MGAM2: variants seen among roughly 807,000 people sequenced by gnomAD.
MGAM2 encodes the protein maltase-glucoamylase 2 (putative).
A neutral mutation model predicts 96.1 loss-of-function variants in MGAM2; 98 were observed. That is an observed-to-expected ratio of 1.02 (90% CI 0.87 to 1.21). The LOEUF (loss-of-function observed/expected upper bound fraction) is 1.21, where lower values mean the gene tolerates loss of function less well. Among genes scored for constraint, MGAM2 ranks in the 50% most tolerant of loss-of-function variants. The pLI is 0.00. For missense variants in MGAM2, 2,055 were observed against 1,182.4 expected (o/e 1.74, Z -10.82); for synonymous variants, 749 against 414.8 (o/e 1.81, Z -9.79).
At chr7:142,201,345 C>G (rs905255694) in intron 45 of MGAM2, among the ~76,000 whole-genome samples, 8 of 152,052 alleles carry the variant, frequency 5.3e-5, no homozygotes, top group African/African-American at 1.9e-4. Flanking sequence ...GCTGAGATTA[C>G]AGGTATGAGC....
intron 45 of MGAM2, among the ~76,000 whole-genome samples, chr7:142,203,446 C>G (rs927039709): frequency 2.0e-5 from 3 of 152,092 alleles, no homozygotes; most frequent in Non-Finnish European, 4.4e-5. Flanking sequence ...AGATTCGACA[C>G]TATTCTTATC....
At chr7:142,116,053 G>A (rs1259635573) in intron 1 of MGAM2, among the ~76,000 whole-genome samples, 2 of 152,120 alleles carry the variant, frequency 1.3e-5, no homozygotes, top group Non-Finnish European at 2.9e-5. Context: ...CTGTAGACAT[G>A]TAATAATGTT....
Position 142,166,105 on chromosome 7 carries a change from C to G in MGAM2, c.2660C>G (p.Thr887Ser), listed in dbSNP as rs1027057933. The G allele has an allele frequency of 7.2e-6, 5 of 695,210 alleles. No individual in the cohort carries two copies. The highest frequency in any genetic ancestry group is 1.3e-5 in the Non-Finnish European group (5 of 381,664). 43.1% of individuals were successfully genotyped at this position (695,210 alleles called of 1,614,324 possible). A position where few individuals can be genotyped will look rare whatever the true frequency, so the allele number is the denominator to read the frequency against. ...VVYNASTKVV[T>S]ITDLQGLVLG... ...GACTGTCTCTTTCCCCAGGTGGTAA[C>G]CATCACTGATCTCCAAGGACTGGTA... Residue 887 changes from threonine to serine, a missense_variant, in exon 25 of 48, where the codon ACC becomes AGC. By Grantham distance (58) the Thr-to-Ser change is moderately conservative. Coordinates refer to ENST00000477922, the MANE Select transcript of MGAM2 (RefSeq NM_001293626.2).
intron 9 of MGAM2, among the ~76,000 whole-genome samples, chr7:142,138,266 C>A (rs758495792): frequency 6.6e-6 from 1 of 151,686 alleles, no homozygotes; most frequent in Non-Finnish European, 1.5e-5. Flanking sequence ...ACACTGTGAA[C>A]AAATATTCAG....
intron 2 of MGAM2, among the ~76,000 whole-genome samples, chr7:142,118,296 T>C (rs1357873577): frequency 1.3e-5 from 2 of 152,206 alleles, no homozygotes; most frequent in African/African-American, 2.4e-5. Context: ...TAATTCACTT[T>C]GCATAATGTC....
At chr7:142,200,804 A>G (rs1797198672) in intron 45 of MGAM2, among the ~76,000 whole-genome samples, 1 of 152,176 alleles carries the variant, frequency 6.6e-6, no homozygotes, top group African/African-American at 2.4e-5. Context: ...ACAGAAAATT[A>G]GAAAAAAATA....
chr7:142,155,363 G>A (rs750357200), intron 17 of MGAM2, among the ~76,000 whole-genome samples: 2 of 152,112 alleles, frequency 1.3e-5, no homozygotes, highest in Non-Finnish European at 2.9e-5. Context: ...TAGTATTTTC[G>A]ATGGGCAAGT....
chr7:142,177,696 T>C (rs1013532748), intron 32 of MGAM2, among the ~76,000 whole-genome samples: 3 of 152,226 alleles, frequency 2.0e-5, no homozygotes, highest in Non-Finnish European at 4.4e-5. Context: ...GCAAAGAGCA[T>C]AATTTCATTC....
chr7:142,220,052 T>C lies in MGAM2; in HGVS notation c.5541T>C (p.Ser1847=). Residue 1847 remains serine (S), a synonymous_variant, in exon 48 of 48, where the codon AGT becomes AGC. Transcript: ENST00000477922. ...CTGAGACAATCACCAGTTCTGCCAG[T>C]GCAAATACTACCACTGGCACTACTG... ...TSSETITSSA[S]ANTTTGTTDT... 2.8e-6 allele frequency: 2 copies of C among 702,920 alleles called. No individual in the cohort carries two copies. Among genetic ancestry groups the C allele is most frequent in the Non-Finnish European group, 5.2e-6 (2 of 384,932 alleles). 43.5% of individuals were successfully genotyped at this position (702,920 alleles called of 1,614,324 possible).
rs763118729 is a variant in MGAM2, at chr7:142,198,114, A to G, written c.4867-25A>G. ...AAAAATATTTTTTGAAATATTCATA[A>G]TGACATGTCAATTTTATGTTTCAGA... On this transcript the variant is annotated intron_variant, in intron 42 of 47. Transcript: ENST00000477922. The G allele has an allele frequency of 4.3e-6, 3 of 700,110 alleles. No individual in the cohort carries two copies. In the South Asian group the frequency reaches 4.5e-5, roughly 11 times the overall value. The allele number at this position is 700,110 out of a possible 1,614,324, so 43.4% of individuals were successfully genotyped here.
chr7:142,185,208 T>G, intron 34 of MGAM2, 69 bp downstream of exon 34: 1 of 685,780 alleles, frequency 1.5e-6, no homozygotes, highest in Non-Finnish European at 2.7e-6. Context: ...TTTATCCTGA[T>G]GAATAAGTAG....
At chr7:142,198,356 C>T (rs114190016) in intron 43 of MGAM2, among the ~76,000 whole-genome samples, 161 bp downstream of exon 43, 1,660 of 152,212 alleles carry the variant, frequency 0.011, 30 homozygotes, top group African/African-American at 0.037. Flanking sequence ...AGAGCATAGA[C>T]GAAATCTAAG....
At chr7:142,119,063 C>G (rs1013612100) in intron 2 of MGAM2, among the ~76,000 whole-genome samples, 1 of 152,136 alleles carries the variant, frequency 6.6e-6, no homozygotes, top group African/African-American at 2.4e-5. Context: ...ATGTGAAAAA[C>G]AATCCACAGA....
At chr7:142,135,480 TATGCTATCCAAGTGTG>T (rs1169601412) in intron 7 of MGAM2, among the ~76,000 whole-genome samples, 2 of 152,184 alleles carry the variant, frequency 1.3e-5, no homozygotes, top group Admixed American at 1.3e-4. Flanking sequence ...ATTTTGTCTG[TATGCTATCCAAGTGTG>T]ATGCCATTAG....
In MGAM2 at chr7:142,185,146, T is replaced by C; in HGVS notation, c.3987+7T>C. The C allele has an allele frequency of 1.4e-6, 1 of 702,558 alleles. No individual in the cohort carries two copies. 43.5% of individuals were successfully genotyped at this position (702,558 alleles called of 1,614,324 possible). On this transcript the variant is annotated splice_region_variant and intron_variant, in intron 34 of 47. Coordinates refer to ENST00000477922, the MANE Select transcript of MGAM2 (RefSeq NM_001293626.2). ...CCATGAAACTCAGGTTAAGGTACAG[T>C]TGTATATAGATTTTTGTCAACATTG...
intron 9 of MGAM2, 116 bp downstream of exon 9, chr7:142,137,661 GA>G (rs1234567926): frequency 2.2e-6 from 1 of 459,270 alleles, no homozygotes; most frequent in Non-Finnish European, 3.8e-6. Flanking sequence ...TAAATGCTGG[GA>G]TAGTGAGTCT....
At chr7:142,128,496 C>T (rs1032270408) in intron 3 of MGAM2, among the ~76,000 whole-genome samples, 3 of 152,208 alleles carry the variant, frequency 2.0e-5, no homozygotes, top group African/African-American at 7.2e-5. Flanking sequence ...TACCTCCCAT[C>T]ACAGGCCAGG....
intron 46 of MGAM2, among the ~76,000 whole-genome samples, chr7:142,212,944 C>T (rs1490432845): frequency 1.3e-5 from 2 of 152,112 alleles, no homozygotes; most frequent in African/African-American, 4.8e-5. Context: ...GTAATACGCT[C>T]CTCAGAAAAT....
At chr7:142,150,375 T>C (rs964930218) in intron 15 of MGAM2, among the ~76,000 whole-genome samples, 9 of 152,316 alleles carry the variant, frequency 5.9e-5, no homozygotes, top group South Asian at 2.1e-4. Context: ...CTTTTGATGT[T>C]ACTTTTGAAA....
Sources: allele counts gnomAD v4.1 joint callset (sites outside exome capture counted in the v4.1 genomes callset), GRCh38; gene constraint gnomAD v4.1.1; transcripts MANE v1.5; gene names NCBI Gene and HGNC (gene_info 2026-07-23, HGNC 2026-07-21).